NEK10: variants seen among roughly 807,000 people sequenced by gnomAD.
The protein encoded by NEK10 is NIMA related kinase 10.
Under a neutral mutation model 159.8 loss-of-function variants are expected in NEK10, and 122 were observed. The ratio of observed to expected loss-of-function variants is 0.76; its 90% confidence interval spans 0.66 to 0.89. The LOEUF (loss-of-function observed/expected upper bound fraction) is 0.89. Among genes scored for constraint, NEK10 ranks in the 40% least tolerant of loss-of-function variants. NEK10 has a pLI of 0.00. For missense variants in NEK10, 1,342 were observed against 1,323.1 expected, an observed-to-expected ratio of 1.01 and a Z score of -0.22; for synonymous variants, 466 against 457.1, an observed-to-expected ratio of 1.02 and a Z score of -0.25.
chr3:27,110,343 G>A lies in NEK10; in HGVS notation c.*929C>T, dbSNP rs1201350618. The A allele has an allele frequency of 1.3e-5, 2 of 152,032 alleles. No individual in the cohort carries two copies. The highest frequency in any genetic ancestry group is 4.8e-5 in the African/African-American group (2 of 41,404). 9.4% of individuals were successfully genotyped at this position (152,032 alleles called of 1,614,324 possible). On this transcript the variant is annotated 3_prime_UTR_variant, in exon 36 of 36. Coordinates refer to ENST00000691995, the MANE Select transcript of NEK10 (RefSeq NM_001394966.1). ...TTCACTTCCACTGAGCTGCCTCAATGAGTAAAAAAGGGATTTAACTTATTT... is the reference window on the plus strand; with the variant it reads ...TTCACTTCCACTGAGCTGCCTCAATAAGTAAAAAAGGGATTTAACTTATTT...
At chr3:27,295,412 C>G (rs2149509940) in intron 15 of NEK10, among the ~76,000 whole-genome samples, 1 of 152,320 alleles carries the variant, frequency 6.6e-6, no homozygotes. Flanking sequence ...TTCTCCCACA[C>G]AGAGAAACCA....
intron 23 of NEK10, among the ~76,000 whole-genome samples, chr3:27,208,165 G>C (rs1193395476): frequency 6.6e-6 from 1 of 152,076 alleles, no homozygotes; most frequent in Non-Finnish European, 1.5e-5. Context: ...ACTATGGTAC[G>C]ATAGGAGTTA....
chr3:27,142,246 G>A (rs990207337), intron 30 of NEK10, among the ~76,000 whole-genome samples: 5 of 151,982 alleles, frequency 3.3e-5, no homozygotes, highest in East Asian at 1.9e-4. Context: ...CTTTCCCAGC[G>A]TCCTCTGCCA....
chr3:27,144,936 C>T (rs1055576732), intron 30 of NEK10, among the ~76,000 whole-genome samples: 3 of 152,088 alleles, frequency 2.0e-5, no homozygotes, highest in African/African-American at 4.8e-5. Flanking sequence ...TGGACAGGCT[C>T]GTCTTGAACT....
intron 25 of NEK10, among the ~76,000 whole-genome samples, chr3:27,198,692 A>C (rs191492052): frequency 2.0e-3 from 302 of 152,320 alleles, no homozygotes; most frequent in African/African-American, 6.3e-3. Context: ...CAAAACTATA[A>C]AAACCCTGGA....
chr3:27,209,549 C>T (rs1362226999), intron 23 of NEK10, among the ~76,000 whole-genome samples: 1 of 152,202 alleles, frequency 6.6e-6, no homozygotes, highest in Non-Finnish European at 1.5e-5. Flanking sequence ...AAGTACAAAA[C>T]ACATTTGAAG....
intron 22 of NEK10, among the ~76,000 whole-genome samples, chr3:27,262,122 T>C (rs1049575999): frequency 3.3e-5 from 5 of 152,018 alleles, no homozygotes; most frequent in Non-Finnish European, 7.4e-5. Context: ...AAATTCTGGG[T>C]TGAAAATTCT....
chr3:27,266,160 G>A (rs1055177251), intron 22 of NEK10, among the ~76,000 whole-genome samples: 4 of 152,010 alleles, frequency 2.6e-5, no homozygotes, highest in African/African-American at 9.7e-5. Context: ...TTCTCTTAAC[G>A]TTTTTCAAAG....
chr3:27,238,415 T>C (rs1954182674), intron 23 of NEK10, among the ~76,000 whole-genome samples: 1 of 152,236 alleles, frequency 6.6e-6, no homozygotes, highest in South Asian at 2.1e-4. Flanking sequence ...GGATTTTTTC[T>C]TCATTTTCTG....
intron 30 of NEK10, among the ~76,000 whole-genome samples, chr3:27,146,682 T>C (rs1475449806): frequency 1.3e-5 from 2 of 152,208 alleles, no homozygotes; most frequent in Non-Finnish European, 2.9e-5. Flanking sequence ...CTCATAAGGA[T>C]TTCATAGAAG....
At position 27,168,946 on chromosome 3, in the gene NEK10, A is replaced by G. The variant is rs1946713691; in HGVS notation, c.2831+2873T>C. Among the ~76,000 whole-genome samples the G allele has an allele frequency of 2.0e-5, 3 of 152,200 alleles. No individual in the cohort carries two copies. The South Asian group carries it at 6.2e-4, about 31-fold the overall frequency. ...GATTCTAGCTTATCCAATTTGTTATAAAGTATTTAGTTAATGACTAGCTTT... is the reference window on the plus strand; with the variant it reads ...GATTCTAGCTTATCCAATTTGTTATGAAGTATTTAGTTAATGACTAGCTTT... On this transcript the variant is annotated intron_variant, in intron 29 of 35. Coordinates refer to ENST00000691995, the MANE Select transcript of NEK10 (RefSeq NM_001394966.1).
At chr3:27,284,791 C>A (rs772123017) in intron 21 of NEK10, 49 bp downstream of exon 21, 1 of 1,552,330 alleles carries the variant, frequency 6.4e-7, no homozygotes, top group East Asian at 2.2e-5. Context: ...AAGAAGCCAG[C>A]TCAGAACATT....
chr3:27,171,731 C>A (rs1947002787), intron 29 of NEK10, 88 bp downstream of exon 29: 2 of 1,396,678 alleles, frequency 1.4e-6, no homozygotes, highest in Admixed American at 1.9e-5. Flanking sequence ...CACATGGAAA[C>A]TTCTGGCTAT....
At chr3:27,215,831 T>C in intron 23 of NEK10, 1 of 717,548 alleles carries the variant, frequency 1.4e-6, no homozygotes. Context: ...GCCAGCACGT[T>C]TTATGTGGCC....
At chr3:27,123,585 T>A (rs73141405) in intron 32 of NEK10, among the ~76,000 whole-genome samples, 1 of 152,222 alleles carries the variant, frequency 6.6e-6, no homozygotes, top group South Asian at 2.1e-4. Context: ...CATTAATGGA[T>A]AAAAATTATA....
intron 26 of NEK10, among the ~76,000 whole-genome samples, chr3:27,183,552 C>G (rs1230708976): frequency 1.3e-5 from 2 of 151,972 alleles, no homozygotes; most frequent in Admixed American, 1.3e-4. Context: ...GCAAAAAACA[C>G]TGACCACCAC....
chr3:27,119,851 T>C lies in NEK10; in HGVS notation c.3099A>G (p.Pro1033=). The change falls in exon 33 of 36, where the codon CCA becomes CCG. Residue 1033 remains proline, a synonymous_variant. Transcript: ENST00000691995. The part of the protein sequence containing the change: ...SEIKKLSQGS[P]EPIEPNFFTA... ...TGAAAAAGTTGGGCTCAATCGGTTC[T>C]GGAGATCCCTGAGATAACTGAAATA... The C allele has an allele frequency of 6.2e-7, 1 of 1,613,804 alleles. No homozygotes were observed.
intron 26 of NEK10, among the ~76,000 whole-genome samples, chr3:27,180,298 G>A (rs914028996): frequency 1.4e-4 from 21 of 151,062 alleles, no homozygotes; most frequent in Non-Finnish European, 8.9e-5. Context: ...AGGAGGCGAA[G>A]GCAGGAGAAT....
rs563198813 is a variant in NEK10 at position 27,162,533 on chromosome 3, C to T, written c.2869+168G>A. ...TGCCACCCTGTCACTAACTCAGCCTCTATTTCCTTAATGTGGGCCCTGAGC... is the reference window on the plus strand; with the variant it reads ...TGCCACCCTGTCACTAACTCAGCCTTTATTTCCTTAATGTGGGCCCTGAGC... On this transcript the variant is annotated intron_variant, in intron 30 of 35. Coordinates refer to ENST00000691995, the MANE Select transcript of NEK10 (RefSeq NM_001394966.1). The T allele has an allele frequency of 3.7e-6, 6 of 1,614,152 alleles. No individual in the cohort carries two copies. The African/African-American group carries it at 6.7e-5, about 18-fold the overall frequency.
Sources: allele counts gnomAD v4.1 joint callset (sites outside exome capture counted in the v4.1 genomes callset), GRCh38; gene constraint gnomAD v4.1.1; transcripts MANE v1.5; gene names NCBI Gene and HGNC (gene_info 2026-07-23, HGNC 2026-07-21).